Variants in UBR1 observed in about 807,000 individuals in gnomAD.
The protein encoded by UBR1 is E3 ubiquitin-protein ligase UBR1.
Under a neutral mutation model 242.1 loss-of-function variants are expected in UBR1, and 102 were observed. That is an observed-to-expected ratio of 0.42 (90% CI 0.36 to 0.50). The LOEUF (loss-of-function observed/expected upper bound fraction) is 0.50. Among genes scored for constraint, UBR1 ranks in the 20% least tolerant of loss-of-function variants. The pLI is 0.01. For synonymous variants in UBR1, 675 were observed against 684.8 expected, an observed-to-expected ratio of 0.99 and a Z score of 0.22; for missense variants, 1,772 against 2,101.8, an observed-to-expected ratio of 0.84 and a Z score of 3.07.
chr15:43,013,157 G>A (rs570080968), intron 29 of UBR1, among the ~76,000 whole-genome samples: 22 of 152,208 alleles, frequency 1.4e-4, no homozygotes, highest in South Asian at 6.2e-4. Flanking sequence ...CACCTGCCTC[G>A]GCCTCCCAAA....
chr15:42,968,469 C>T (rs1159560100), intron 40 of UBR1, among the ~76,000 whole-genome samples: 1 of 151,732 alleles, frequency 6.6e-6, no homozygotes, highest in Non-Finnish European at 1.5e-5. Flanking sequence ...AAGCAATCCT[C>T]CTGCCTTGGC....
intron 12 of UBR1, among the ~76,000 whole-genome samples, chr15:43,050,507 C>T (rs2033541432): frequency 6.6e-6 from 1 of 152,096 alleles, no homozygotes; most frequent in East Asian, 1.9e-4. Context: ...CTCAGGAGTT[C>T]AAGACCACCC....
chr15:43,048,003 A>G (rs1331389374), intron 13 of UBR1, among the ~76,000 whole-genome samples: 1 of 152,104 alleles, frequency 6.6e-6, no homozygotes, highest in East Asian at 1.9e-4. Context: ...CCTGGCCAAC[A>G]TGGTGAAACC....
chr15:43,095,205 A>T (rs567508525), intron 1 of UBR1, among the ~76,000 whole-genome samples: 1 of 152,186 alleles, frequency 6.6e-6, no homozygotes, highest in Non-Finnish European at 1.5e-5. Context: ...CTTTCCCTCC[A>T]GTGGCTAAAG....
chr15:43,028,518 G>A (rs1295954621), intron 21 of UBR1, among the ~76,000 whole-genome samples: 2 of 151,702 alleles, frequency 1.3e-5, no homozygotes, highest in African/African-American at 2.4e-5. Context: ...AGGCCGAGGC[G>A]GGTAGATCAT....
chr15:43,013,014 T>G (rs909517156), intron 29 of UBR1, among the ~76,000 whole-genome samples: 1 of 152,200 alleles, frequency 6.6e-6, no homozygotes, highest in East Asian at 1.9e-4. Context: ...CAGGTGATTC[T>G]CGTGCCTCAG....
intron 6 of UBR1, among the ~76,000 whole-genome samples, chr15:43,066,909 C>T (rs2033759216): frequency 6.6e-6 from 1 of 152,182 alleles, no homozygotes; most frequent in African/African-American, 2.4e-5. Context: ...CAGGCATGAG[C>T]CACAGCACCT....
At chr15:42,993,598 C>T (rs1451304853) in intron 33 of UBR1, among the ~76,000 whole-genome samples, 2 of 152,030 alleles carry the variant, frequency 1.3e-5, no homozygotes, top group Admixed American at 6.6e-5. Flanking sequence ...GAACTCCTGG[C>T]CTCAAGAGAT....
At chr15:43,006,973 G>T in intron 30 of UBR1, 106 bp downstream of exon 30, 1 of 1,015,730 alleles carries the variant, frequency 9.8e-7, no homozygotes. Flanking sequence ...TAATGGTATG[G>T]TAGATATATA....
Position 42,945,428 on chromosome 15 carries a change from CT to C in UBR1, c.5150del (p.Lys1717SerfsTer12). ...AGTGTTGTTGCCAGACCAAATGGAG[CT>C]TCCGATACCGCTCACGAGATAAATG... The part of the protein sequence containing the change: ...PLHLSRERYR[K>X]LHLVWQQHCI... On this transcript the variant is annotated frameshift_variant, in exon 47 of 47. Transcript: ENST00000290650. LOFTEE classifies it high-confidence loss of function. 6.2e-7 allele frequency: 1 copy of C among 1,614,110 alleles called. No homozygotes were observed. Among genetic ancestry groups the C allele is most frequent in the Non-Finnish European group, 8.5e-7 (1 of 1,180,028 alleles).
chr15:42,991,063 T>C (rs1233511620), intron 33 of UBR1, among the ~76,000 whole-genome samples: 1 of 151,426 alleles, frequency 6.6e-6, no homozygotes, highest in African/African-American at 2.4e-5. Flanking sequence ...TCAATTGAGG[T>C]CAGGAGTTCA....
At chr15:43,067,742 C>G (rs987174037) in intron 6 of UBR1, among the ~76,000 whole-genome samples, 156 bp downstream of exon 6, 1 of 152,074 alleles carries the variant, frequency 6.6e-6, no homozygotes, top group African/African-American at 2.4e-5. Context: ...ATGATATACA[C>G]ACAAAACTGA....
intron 17 of UBR1, among the ~76,000 whole-genome samples, chr15:43,036,935 T>A (rs76889195): frequency 6.6e-6 from 1 of 151,386 alleles, no homozygotes; most frequent in African/African-American, 2.4e-5. Context: ...TTTTTTTTTT[T>A]AATTTCATTT....
intron 32 of UBR1, among the ~76,000 whole-genome samples, chr15:42,999,755 G>C (rs1176119328): frequency 6.6e-6 from 1 of 151,930 alleles, no homozygotes; most frequent in Non-Finnish European, 1.5e-5. Context: ...CTGAGCCCAA[G>C]AAGGTTGAGG....
intron 37 of UBR1, among the ~76,000 whole-genome samples, chr15:42,983,463 G>A (rs1044912811): frequency 7.3e-5 from 11 of 151,612 alleles, no homozygotes; most frequent in Non-Finnish European, 1.3e-4. Flanking sequence ...TTCAAGACCA[G>A]CCTGGCCAAC....
chr15:42,976,437 G>C (rs937895258), intron 39 of UBR1, among the ~76,000 whole-genome samples: 1 of 152,108 alleles, frequency 6.6e-6, no homozygotes, highest in African/African-American at 2.4e-5. Context: ...GACAGACCTC[G>C]AGGATGGGGA....
chr15:42,952,508 C>A, intron 44 of UBR1, 60 bp from the exon 45 acceptor site: 1 of 1,563,318 alleles, frequency 6.4e-7, no homozygotes, highest in Non-Finnish European at 8.8e-7. Flanking sequence ...CAAATAAGTA[C>A]CATATATCCT....
intron 35 of UBR1, among the ~76,000 whole-genome samples, chr15:42,986,779 C>G (rs2032466947): frequency 6.6e-6 from 1 of 152,232 alleles, no homozygotes; most frequent in South Asian, 2.1e-4. Flanking sequence ...CCCCACAGCT[C>G]CCTCCACCAG....
chr15:43,022,220 G>T (rs1307427225), intron 26 of UBR1, among the ~76,000 whole-genome samples: 1 of 151,830 alleles, frequency 6.6e-6, no homozygotes, highest in Non-Finnish European at 1.5e-5. Flanking sequence ...ATCTTAATCA[G>T]GTAGCATTTA....
Sources: gnomAD v4.1 joint callset for allele counts (sites outside exome capture counted in the v4.1 genomes callset) on GRCh38, gnomAD v4.1.1 for gene constraint, MANE v1.5 for transcripts, NCBI Gene and HGNC (gene_info 2026-07-23, HGNC 2026-07-21) for gene names.